Variants in MSI2 observed in about 807,000 individuals in gnomAD.
MSI2 encodes the protein musashi RNA binding protein 2.
A neutral mutation model predicts 45.6 loss-of-function variants in MSI2; 17 were observed. The observed-to-expected ratio is 0.37, with a 90% confidence interval of 0.26 to 0.56. The LOEUF (loss-of-function observed/expected upper bound fraction) is 0.56. MSI2 is among the 20% of genes least tolerant of loss of function. The pLI is 0.77. For synonymous variants in MSI2, 156 were observed against 158.2 expected, an observed-to-expected ratio of 0.99 and a Z score of 0.11; for missense variants, 293 against 444.2, an observed-to-expected ratio of 0.66 and a Z score of 3.06.
intron 7 of MSI2, among the ~76,000 whole-genome samples, chr17:57,545,095 C>G (rs1484837317): frequency 6.6e-6 from 1 of 152,094 alleles, no homozygotes; most frequent in Non-Finnish European, 1.5e-5. Context: ...GAGAAGGAGA[C>G]TGAGTTTAGA....
chr17:57,663,046 T>A (rs187709579), intron 11 of MSI2, among the ~76,000 whole-genome samples: 8 of 151,988 alleles, frequency 5.3e-5, no homozygotes, highest in Admixed American at 2.6e-4. Context: ...TAGGGATGAG[T>A]CAACATTTTT....
intron 5 of MSI2, among the ~76,000 whole-genome samples, chr17:57,333,787 GA>G (rs1311504339): frequency 7.7e-6 from 1 of 129,598 alleles, no homozygotes; most frequent in African/African-American, 3.8e-5. Flanking sequence ...TTTTAAATAA[GA>G]AAGGGAAAAA....
chr17:57,666,611 A>C (rs1912385596), intron 11 of MSI2, among the ~76,000 whole-genome samples: 1 of 152,224 alleles, frequency 6.6e-6, no homozygotes, highest in South Asian at 2.1e-4. Flanking sequence ...CTGCCTCGTA[A>C]GTCTGTGGTC....
intron 11 of MSI2, among the ~76,000 whole-genome samples, chr17:57,667,604 A>G (rs904700190): frequency 1.3e-5 from 2 of 152,190 alleles, no homozygotes; most frequent in African/African-American, 4.8e-5. Context: ...TGCCTCCTGG[A>G]AACCTGCAAA....
chr17:57,584,834 T>A (rs996241647), intron 7 of MSI2, among the ~76,000 whole-genome samples: 2 of 151,986 alleles, frequency 1.3e-5, no homozygotes, highest in Admixed American at 1.3e-4. Flanking sequence ...CTTAGGGTCT[T>A]TTTTTGAGTT....
chr17:57,293,496 A>G (rs1260594787), intron 5 of MSI2, among the ~76,000 whole-genome samples: 1 of 151,406 alleles, frequency 6.6e-6, no homozygotes, highest in Non-Finnish European at 1.5e-5. Flanking sequence ...TTACTTGATT[A>G]TTTGCAGAAT....
intron 5 of MSI2, among the ~76,000 whole-genome samples, chr17:57,374,676 G>A (rs921108037): frequency 2.0e-5 from 3 of 152,154 alleles, no homozygotes; most frequent in African/African-American, 7.2e-5. Context: ...CTACTCGGGA[G>A]GTTGAGGCAG....
the MSI2 span, among the ~76,000 whole-genome samples, chr17:57,696,424 A>G: frequency 6.6e-6 from 1 of 152,220 alleles, no homozygotes; most frequent in African/African-American, 2.4e-5. Context: ...ATTACCTAAA[A>G]TCTTGAAAGT....
At chr17:57,393,379 C>T (rs893253544) in intron 5 of MSI2, among the ~76,000 whole-genome samples, 5 of 152,314 alleles carry the variant, frequency 3.3e-5, no homozygotes, top group African/African-American at 7.2e-5. Context: ...AACTGTAATA[C>T]GTGATGTTCT....
chr17:57,363,047 A>T (rs950467176), intron 5 of MSI2, among the ~76,000 whole-genome samples: 3 of 152,238 alleles, frequency 2.0e-5, no homozygotes, highest in Non-Finnish European at 4.4e-5. Flanking sequence ...GGACTTGAAC[A>T]GACATGTGTA....
chr17:57,589,311 T>C (rs1188261971), intron 7 of MSI2, among the ~76,000 whole-genome samples: 2 of 152,164 alleles, frequency 1.3e-5, no homozygotes, highest in Non-Finnish European at 2.9e-5. Flanking sequence ...TTTGAAAAGG[T>C]AGCTTGTTTT....
chr17:57,344,565 C>T (rs973453101), intron 5 of MSI2, among the ~76,000 whole-genome samples: 1 of 152,226 alleles, frequency 6.6e-6, no homozygotes, highest in Non-Finnish European at 1.5e-5. Flanking sequence ...AAGAAGGTTA[C>T]TAGAGCGTCT....
At chr17:57,429,656 T>A (rs940092998) in intron 6 of MSI2, among the ~76,000 whole-genome samples, 1 of 151,850 alleles carries the variant, frequency 6.6e-6, no homozygotes, top group Non-Finnish European at 1.5e-5. Flanking sequence ...TGGGGAGTCA[T>A]AGCCAGTGGA....
chr17:57,697,143 G>GACACACACACACATACAC, the MSI2 span, among the ~76,000 whole-genome samples: 209 of 54,128 alleles, frequency 3.9e-3, no homozygotes, highest in Non-Finnish European at 6.3e-3. Context: ...TCGCCAGCAG[G>GACACACACACACATACAC]ACACACACAC....
chr17:57,482,481 G>A (rs2085666806), intron 6 of MSI2, among the ~76,000 whole-genome samples: 3 of 152,282 alleles, frequency 2.0e-5, no homozygotes, highest in East Asian at 3.9e-4. Context: ...TTGTACTTAC[G>A]AAATATATTG....
chr17:57,355,421 G>C (rs942787897), intron 5 of MSI2, among the ~76,000 whole-genome samples: 12 of 152,230 alleles, frequency 7.9e-5, no homozygotes, highest in African/African-American at 2.9e-4. Context: ...GTTCCCTGAA[G>C]ACAGGGGTGC....
Position 57,409,916 on chromosome 17 carries a change from G to A in MSI2, c.405+8445G>A, listed in dbSNP as rs868366287. Among the ~76,000 whole-genome samples, 13 of 147,394 alleles carry A rather than the reference G, an allele frequency of 8.8e-5. No homozygotes were observed. In the South Asian group the frequency reaches 2.8e-3, roughly 32 times the overall value. On this transcript the variant is annotated intron_variant, in intron 6 of 13. Coordinates refer to ENST00000284073, the MANE Select transcript of MSI2 (RefSeq NM_138962.4). ...CCAGCTACTCGGGAGGTTGAGGCAG[G>A]AGAATCTCTTGAACCCAGGAGGTGG...
At chr17:57,456,742 G>A (rs946740140) in intron 6 of MSI2, among the ~76,000 whole-genome samples, 3 of 152,194 alleles carry the variant, frequency 2.0e-5, no homozygotes, top group Non-Finnish European at 2.9e-5. Context: ...CTTTGGGTCC[G>A]TAAATCTTCA....
chr17:57,676,972 A>G lies in MSI2; in HGVS notation c.946-15A>G. 1 of 1,583,418 alleles carries G rather than the reference A, an allele frequency of 6.3e-7. No homozygotes were observed. Among genetic ancestry groups the G allele is most frequent in the Non-Finnish European group, 8.7e-7 (1 of 1,151,840 alleles). On this transcript the variant is annotated splice_polypyrimidine_tract_variant and intron_variant, in intron 12 of 13. Coordinates refer to ENST00000284073, the MANE Select transcript of MSI2 (RefSeq NM_138962.4). The stretch of plus-strand genomic sequence containing the variant: ...GTATAGCACACTGATGACCTTAACA[A>G]TTGTGCAATTTTAGGGACCTTTGAT...
Sources: gnomAD v4.1 joint callset for allele counts (sites outside exome capture counted in the v4.1 genomes callset) on GRCh38, gnomAD v4.1.1 for gene constraint, MANE v1.5 for transcripts, NCBI Gene and HGNC (gene_info 2026-07-23, HGNC 2026-07-21) for gene names.